Variants in ACER3 observed in about 807,000 individuals in gnomAD.
ACER3 encodes the protein alkaline ceramidase 3, also known as alkCDase 3.
Under a neutral mutation model 48.9 loss-of-function variants are expected in ACER3, and 16 were observed. The observed-to-expected ratio is 0.33, with a 90% CI of 0.22 to 0.50. ACER3 has a LOEUF of 0.50. ACER3 is among the 20% of genes least tolerant of loss of function. ACER3 has a pLI of 0.98. For missense variants in ACER3, 227 were observed against 326.0 expected, an observed-to-expected ratio of 0.70 and a Z score of 2.34; for synonymous variants, 109 against 107.8, an observed-to-expected ratio of 1.01 and a Z score of -0.07.
At chr11:76,929,797 T>C (rs979240384) in intron 2 of ACER3, among the ~76,000 whole-genome samples, 27 of 152,204 alleles carry the variant, frequency 1.8e-4, no homozygotes, top group African/African-American at 4.8e-4. Flanking sequence ...GTTGAACCAG[T>C]CTTGCATCCC....
chr11:76,898,932 A>T (rs1946008846), intron 1 of ACER3, among the ~76,000 whole-genome samples: 2 of 131,430 alleles, frequency 1.5e-5, no homozygotes, highest in Non-Finnish European at 3.4e-5. Flanking sequence ...AAAAAAAAAA[A>T]TCCTCGTTGG....
At chr11:76,864,631 G>T (rs1184102424) in intron 1 of ACER3, among the ~76,000 whole-genome samples, 2 of 116,012 alleles carry the variant, frequency 1.7e-5, no homozygotes, top group African/African-American at 3.1e-5. Flanking sequence ...GTAGAGTCTC[G>T]CTCTGTTGCC....
intron 1 of ACER3, among the ~76,000 whole-genome samples, chr11:76,891,095 G>A (rs915447398): frequency 6.7e-6 from 1 of 149,886 alleles, no homozygotes; most frequent in African/African-American, 2.4e-5. Flanking sequence ...CTCCAGCCTG[G>A]GTGATAGAGC....
chr11:76,906,820 C>T (rs1946244654), intron 1 of ACER3, among the ~76,000 whole-genome samples: 1 of 152,084 alleles, frequency 6.6e-6, no homozygotes, highest in South Asian at 2.1e-4. Context: ...CTTGGCCTCC[C>T]AAAGTGTTGA....
intron 2 of ACER3, among the ~76,000 whole-genome samples, chr11:76,950,252 G>A (rs1309831547): frequency 2.2e-5 from 3 of 136,974 alleles, no homozygotes; most frequent in Non-Finnish European, 4.9e-5. Context: ...GCAGGAGCCA[G>A]ATCACCCAGG....
chr11:77,019,855 G>A, intron 10 of ACER3, 79 bp downstream of exon 10: 2 of 1,483,636 alleles, frequency 1.3e-6, no homozygotes, highest in East Asian at 2.3e-5. Flanking sequence ...AAGAAGAAAG[G>A]GGAGTTTGGA....
At chr11:76,940,282 C>G (rs1445898956) in intron 2 of ACER3, among the ~76,000 whole-genome samples, 1 of 151,870 alleles carries the variant, frequency 6.6e-6, no homozygotes, top group Non-Finnish European at 1.5e-5. Context: ...CCGCACCCAG[C>G]CAACTTTTTA....
At chr11:76,878,774 T>G (rs2187498) in intron 1 of ACER3, among the ~76,000 whole-genome samples, 16,508 of 152,142 alleles carry the variant, frequency 0.11, 2,958 homozygotes, top group African/African-American at 0.37. Flanking sequence ...TGATGTATCA[T>G]TTTTCATTCT....
intron 4 of ACER3, among the ~76,000 whole-genome samples, chr11:76,984,450 C>A (rs1216779099): frequency 3.3e-5 from 5 of 152,174 alleles, no homozygotes; most frequent in African/African-American, 4.8e-5. Context: ...TTCTAACCAC[C>A]TTTCCTTACA....
chr11:77,015,090 TAGATA>T lies in ACER3; in HGVS notation c.574_578del (p.Asp192HisfsTer4). Reference sequence around the variant, plus strand: ...TTATTGGGATTTTTATTTTGGAATATAGATAACATATTTTGTGAGTCACTGAGGTA... The same window carrying T: ...TTATTGGGATTTTTATTTTGGAATATACATATTTTGTGAGTCACTGAGGTA... On this transcript the variant is annotated frameshift_variant, in exon 8 of 11. Coordinates refer to ENST00000532485, the MANE Select transcript of ACER3 (RefSeq NM_018367.7). LOFTEE classifies it high-confidence loss of function. 6.4e-7 allele frequency: 1 copy of T among 1,566,618 alleles called. No individual in the cohort carries two copies. Among genetic ancestry groups the T allele is most frequent in the African/African-American group, 1.4e-5 (1 of 74,050 alleles).
chr11:76,934,508 A>G (rs2134876660), intron 2 of ACER3, among the ~76,000 whole-genome samples: 1 of 152,382 alleles, frequency 6.6e-6, no homozygotes, highest in East Asian at 1.9e-4. Context: ...CAACGCAGCG[A>G]AACCCCGTCT....
At chr11:77,002,444 G>A (rs1949052985) in intron 7 of ACER3, among the ~76,000 whole-genome samples, 2 of 152,202 alleles carry the variant, frequency 1.3e-5, no homozygotes, top group Middle Eastern at 3.4e-3. Flanking sequence ...CTTGTATCCT[G>A]GGATAAACCT....
At chr11:76,952,262 CTT>C (rs1158955501) in intron 2 of ACER3, among the ~76,000 whole-genome samples, 18 of 139,098 alleles carry the variant, frequency 1.3e-4, no homozygotes, top group East Asian at 2.1e-4. Context: ...TTCTTTCTTT[CTT>C]TTTTTTTTTT....
intron 3 of ACER3, among the ~76,000 whole-genome samples, chr11:76,967,179 C>A (rs1051654714): frequency 2.6e-5 from 4 of 152,142 alleles, no homozygotes; most frequent in Non-Finnish European, 5.9e-5. Flanking sequence ...ACTATAAACA[C>A]CTCTATGCCA....
chr11:76,903,388 A>T (rs1946131200), intron 1 of ACER3, among the ~76,000 whole-genome samples: 1 of 152,132 alleles, frequency 6.6e-6, no homozygotes, highest in Admixed American at 6.5e-5. Context: ...CACTCTGCCC[A>T]GCATTCAATT....
At chr11:76,936,805 C>T (rs1433873201) in intron 2 of ACER3, among the ~76,000 whole-genome samples, 1 of 151,920 alleles carries the variant, frequency 6.6e-6, no homozygotes, top group Non-Finnish European at 1.5e-5. Context: ...GCACCCTCCC[C>T]CACCTGGGTT....
At chr11:76,967,331 A>G (rs990539716) in intron 3 of ACER3, among the ~76,000 whole-genome samples, 21 of 152,340 alleles carry the variant, frequency 1.4e-4, no homozygotes, top group Middle Eastern at 3.4e-3. Context: ...TTACCAACCA[A>G]AAAGAGTCCA....
chr11:76,903,259 C>T (rs566817696), intron 1 of ACER3, among the ~76,000 whole-genome samples: 9 of 152,092 alleles, frequency 5.9e-5, no homozygotes, highest in African/African-American at 2.2e-4. Context: ...GTTATCTCTG[C>T]CCTGAATACT....
chr11:76,952,535 G>C (rs1229435454), intron 2 of ACER3, among the ~76,000 whole-genome samples: 1 of 151,580 alleles, frequency 6.6e-6, no homozygotes, highest in African/African-American at 2.4e-5. Context: ...TGGGATTACA[G>C]GTGTAAGCCA....
Sources: gnomAD v4.1 joint callset for allele counts (sites outside exome capture counted in the v4.1 genomes callset) on GRCh38, gnomAD v4.1.1 for gene constraint, MANE v1.5 for transcripts, NCBI Gene and HGNC (gene_info 2026-07-23, HGNC 2026-07-21) for gene names.